The following ABHD16B variants were observed in gnomAD, a reference collection of about 807,000 sequenced individuals.
The protein encoded by ABHD16B is abhydrolase domain containing 16B.
A neutral mutation model predicts 10.5 loss-of-function variants in ABHD16B; 14 were observed. The ratio of observed to expected loss-of-function variants is 1.33; its 90% CI spans 0.88 to 2.08. ABHD16B has a LOEUF of 2.08. Among genes scored for constraint, ABHD16B ranks in the 30% most tolerant of loss-of-function variants. The probability of loss-of-function intolerance (pLI) is 0.00; values close to 1 mark genes in which losing one functional copy is unlikely to be tolerated. For missense variants in ABHD16B, 763 were observed against 717.4 expected (o/e 1.06, Z -0.73); for synonymous variants, 374 against 337.9 (o/e 1.11, Z -1.17).
chr20:63,861,630 C>G lies in ABHD16B; in HGVS notation c.90C>G (p.Pro30=), dbSNP rs758456348. ...ACACCTACCCATTCCGCGGCTGGCC[C>G]GTGGCCTTCCGCTGGGATGACGTGC... ...ASYTYPFRGW[P]VAFRWDDVRA... is the part of the protein sequence containing the mutation. The change falls in exon 1 of 1, where the codon CCC becomes CCG. Residue 30 remains proline (P), a synonymous_variant. Coordinates refer to ENST00000369916, the MANE Select transcript of ABHD16B (RefSeq NM_080622.4). This position sits in a 1 kb window ranked among gnomAD's most constrained non-coding sequence, Gnocchi z 5.4. The G allele has an allele frequency of 1.9e-6, 3 of 1,548,508 alleles. No homozygotes were observed. The highest frequency in any genetic ancestry group is 4.9e-5 in the East Asian group (2 of 41,226).
rs764484273 is a variant in ABHD16B at position 63,862,046 on chromosome 20, A to G, written c.506A>G (p.His169Arg). 6.2e-7 allele frequency: 1 copy of G among 1,609,300 alleles called. No individual in the cohort carries two copies. The highest frequency in any genetic ancestry group is 1.7e-5 in the Admixed American group (1 of 59,760). Reference protein sequence around the residue: ...DRRQHPGSHVHGPRLVICCEG... With the variant: ...DRRQHPGSHVRGPRLVICCEG... ...CGCCAGCACCCGGGCAGCCACGTGC[A>G]CGGGCCGCGCCTCGTCATCTGCTGC... Residue 169 changes from histidine (H) to arginine (R), a missense_variant, in exon 1 of 1, where the codon CAC becomes CGC. Coordinates refer to ENST00000369916, the MANE Select transcript of ABHD16B (RefSeq NM_080622.4). The surrounding 1 kb of genome is among the most constrained non-coding windows in gnomAD (Gnocchi z 7.5).
Position 63,862,962 on chromosome 20 carries a change from C to T in ABHD16B, c.*12C>T. 1.4e-6 allele frequency: 2 copies of T among 1,401,244 alleles called. No individual in the cohort carries two copies. The highest frequency in any genetic ancestry group is 2.9e-5 in the East Asian group (1 of 34,384). 86.8% of individuals were successfully genotyped at this position (1,401,244 alleles called of 1,614,324 possible). Reference sequence around the variant, plus strand: ...CCTGGCGGCTGTAACCTATATGCCCCAGTGGGGGATCACGCACTTGAACTC... The same window carrying T: ...CCTGGCGGCTGTAACCTATATGCCCTAGTGGGGGATCACGCACTTGAACTC... On this transcript the variant is annotated 3_prime_UTR_variant, in exon 1 of 1. Coordinates refer to ENST00000369916, the MANE Select transcript of ABHD16B (RefSeq NM_080622.4). This position sits in a 1 kb window ranked among gnomAD's most constrained non-coding sequence, Gnocchi z 7.5.
In ABHD16B at chr20:63,862,104, T is replaced by C. The variant is rs777109016; in HGVS notation, c.564T>C (p.Cys188=). The C allele has an allele frequency of 1.2e-6, 2 of 1,611,492 alleles. No homozygotes were observed. Among genetic ancestry groups the C allele is most frequent in the Admixed American group, 3.3e-5 (2 of 59,910 alleles). The change falls in exon 1 of 1, where the codon TGT becomes TGC. Residue 188 remains cysteine (C), a synonymous_variant. Coordinates refer to ENST00000369916, the MANE Select transcript of ABHD16B (RefSeq NM_080622.4). The surrounding 1 kb of genome is among the most constrained non-coding windows in gnomAD (Gnocchi z 7.5). ...EGNAGFYEMG[C]LSAPLEAGYS... is the part of the protein sequence containing the mutation. ...ACGCGGGCTTCTACGAGATGGGCTGTCTGTCTGCACCGCTCGAGGCCGGCT... is the reference window on the plus strand; with the variant it reads ...ACGCGGGCTTCTACGAGATGGGCTGCCTGTCTGCACCGCTCGAGGCCGGCT...
At position 63,861,898 on chromosome 20, in the gene ABHD16B, A is replaced by C. The variant is rs751651568; in HGVS notation, c.358A>C (p.Thr120Pro). 18 of 1,582,594 alleles carry C rather than the reference A, an allele frequency of 1.1e-5. 1 individual carries two copies. Among genetic ancestry groups the C allele is most frequent in the African/African-American group, 1.3e-5 (1 of 74,120 alleles). ...LVYPGSVSLMTRALLPLLQQG... is the reference protein window; with the variant it reads ...LVYPGSVSLMPRALLPLLQQG... ...GTACCCCGGCTCCGTGTCCCTGATG[A>C]CGCGCGCGCTGCTGCCGCTGCTGCA... Residue 120 changes from threonine to proline, a missense_variant, in exon 1 of 1, where the codon ACG becomes CCG. Transcript: ENST00000369916. This position sits in a 1 kb window ranked among gnomAD's most constrained non-coding sequence, Gnocchi z 5.4.
Position 63,862,751 on chromosome 20 carries a change from G to T in ABHD16B, c.1211G>T (p.Arg404Leu). Residue 404 changes from arginine (R) to leucine (L), a missense_variant, in exon 1 of 1, where the codon CGC (arginine) becomes CTC (leucine). Physicochemically the swap from Arg to Leu is moderately radical, Grantham distance 102. Coordinates refer to ENST00000369916, the MANE Select transcript of ABHD16B (RefSeq NM_080622.4). This position sits in a 1 kb window ranked among gnomAD's most constrained non-coding sequence, Gnocchi z 7.5. The part of the protein sequence containing the change: ...CLALLRSYRA[R>L]CEEELEGEEA... ...GCGCTGCTGCGCTCCTACCGTGCACGCTGCGAAGAGGAGCTGGAGGGCGAG... is the reference window on the plus strand; with the variant it reads ...GCGCTGCTGCGCTCCTACCGTGCACTCTGCGAAGAGGAGCTGGAGGGCGAG... The T allele has an allele frequency of 2.6e-6, 4 of 1,528,616 alleles. No homozygotes were observed. Among genetic ancestry groups the T allele is most frequent in the Non-Finnish European group, 3.5e-6 (4 of 1,140,890 alleles). 94.7% of individuals were successfully genotyped at this position (1,528,616 alleles called of 1,614,324 possible). A position where few individuals can be genotyped will look rare whatever the true frequency, so the allele number is the denominator to read the frequency against.
rs754047152 is a variant in ABHD16B at position 63,861,608 on chromosome 20, C to G, written c.68C>G (p.Thr23Ser). ...AAGATCTACCTGACCGCCAGCTACA[C>G]CTACCCATTCCGCGGCTGGCCCGTG... is the stretch of plus-strand genomic sequence containing the variant. The part of the protein sequence containing the change: ...VFKIYLTASY[T>S]YPFRGWPVAF... Residue 23 changes from threonine to serine, a missense_variant, in exon 1 of 1, where the codon ACC (threonine) becomes AGC (serine). Coordinates refer to ENST00000369916, the MANE Select transcript of ABHD16B (RefSeq NM_080622.4). This position sits in a 1 kb window ranked among gnomAD's most constrained non-coding sequence, Gnocchi z 5.4. The G allele has an allele frequency of 5.1e-6, 8 of 1,556,444 alleles. No homozygotes were observed. In the East Asian group the frequency reaches 1.9e-4, roughly 37 times the overall value.
Position 63,861,669 on chromosome 20 carries a change from G to C in ABHD16B, c.129G>C (p.Arg43=), listed in dbSNP as rs770468146. ...GGGATGACGTGCGCGCCGTGGGCCG[G>C]AGCAGCAGCCACCGGGCGCTGACCT... The part of the protein sequence containing the change: ...FRWDDVRAVG[R]SSSHRALTCA... Residue 43 remains arginine, a synonymous_variant, in exon 1 of 1, where the codon CGG becomes CGC. Transcript: ENST00000369916. The surrounding 1 kb of genome is among the most constrained non-coding windows in gnomAD (Gnocchi z 5.4). 4.1e-5 allele frequency: 63 copies of C among 1,535,964 alleles called. No homozygotes were observed. The African/African-American group carries it at 8.1e-4, about 20-fold the overall frequency.
rs778556671 is a variant in ABHD16B at position 63,861,915 on chromosome 20, G to C, written c.375G>C (p.Pro125=). 5.7e-6 allele frequency: 9 copies of C among 1,590,036 alleles called. No individual in the cohort carries two copies. In the South Asian group the frequency reaches 6.6e-5, roughly 12 times the overall value. The part of the protein sequence containing the change: ...SVSLMTRALL[P]LLQQGQERLV... ...CCCTGATGACGCGCGCGCTGCTGCC[G>C]CTGCTGCAGCAGGGCCAAGAGCGCC... The change falls in exon 1 of 1, where the codon CCG becomes CCC. Residue 125 remains proline, a synonymous_variant. Coordinates refer to ENST00000369916, the MANE Select transcript of ABHD16B (RefSeq NM_080622.4). The surrounding 1 kb of genome is among the most constrained non-coding windows in gnomAD (Gnocchi z 5.4).
Position 63,861,779 on chromosome 20 carries a change from G to C in ABHD16B, c.239G>C (p.Arg80Pro). 1.4e-6 allele frequency: 2 copies of C among 1,430,594 alleles called. No homozygotes were observed. Among genetic ancestry groups the C allele is most frequent in the South Asian group, 1.4e-5 (1 of 70,710 alleles). 88.6% of individuals were successfully genotyped at this position (1,430,594 alleles called of 1,614,324 possible). ...CTGGGGCGGCCTCCACGTGGGGCGC[G>C]CAGCCAGGCGCAGTGCCTCTTGCAG... ...DALGRPPRGARSQAQCLLQQL... is the reference protein window; with the variant it reads ...DALGRPPRGAPSQAQCLLQQL... The change falls in exon 1 of 1, where the codon CGC (arginine) becomes CCC (proline). Residue 80 changes from arginine (R) to proline (P), a missense_variant. By Grantham distance (103) the Arg-to-Pro change is moderately radical. Transcript: ENST00000369916. The surrounding 1 kb of genome is among the most constrained non-coding windows in gnomAD (Gnocchi z 5.4).
At position 63,861,699 on chromosome 20, in the gene ABHD16B, G is replaced by A. The variant is rs1436885824; in HGVS notation, c.159G>A (p.Ala53=). Residue 53 remains alanine, a synonymous_variant, in exon 1 of 1, where the codon GCG becomes GCA. Transcript: ENST00000369916. This position sits in a 1 kb window ranked among gnomAD's most constrained non-coding sequence, Gnocchi z 5.4. ...GCAGCCACCGGGCGCTGACCTGCGC[G>A]GCAGCCGCGGCGGGCGTGTGGTTGC... The part of the protein sequence containing the change: ...RSSSHRALTC[A]AAAAGVWLLR... 13 of 1,478,504 alleles carry A rather than the reference G, an allele frequency of 8.8e-6. No individual in the cohort carries two copies. The highest frequency in any genetic ancestry group is 1.3e-5 in the South Asian group (1 of 77,148). The allele number at this position is 1,478,504 out of a possible 1,614,324, so 91.6% of individuals were successfully genotyped here. A position where few individuals can be genotyped will look rare whatever the true frequency, so the allele number is the denominator to read the frequency against.
At position 63,861,929 on chromosome 20, in the gene ABHD16B, G is replaced by A. The variant is rs374392844; in HGVS notation, c.389G>A (p.Gly130Asp). ...TRALLPLLQQ[G>D]QERLVERYHG... ...GCGCTGCTGCCGCTGCTGCAGCAGG[G>A]CCAAGAGCGCCTCGTGGAGCGCTAC... is the stretch of plus-strand genomic sequence containing the variant. The change falls in exon 1 of 1, where the codon GGC becomes GAC. Residue 130 changes from glycine (G) to aspartate (D), a missense_variant. Transcript: ENST00000369916. The surrounding 1 kb of genome is among the most constrained non-coding windows in gnomAD (Gnocchi z 5.4). 6.9e-6 allele frequency: 11 copies of A among 1,594,076 alleles called. No homozygotes were observed. The highest frequency in any genetic ancestry group is 4.0e-5 in the African/African-American group (3 of 74,528).
rs764259079 is a variant in ABHD16B, at chr20:63,862,362, C to G, written c.822C>G (p.Asp274Glu). 5 of 1,611,178 alleles carry G rather than the reference C, an allele frequency of 3.1e-6. No individual in the cohort carries two copies. The East Asian group carries it at 1.1e-4, about 36-fold the overall frequency. Residue 274 changes from aspartate to glutamate, a missense_variant, in exon 1 of 1, where the codon GAC becomes GAG. Transcript: ENST00000369916. The surrounding 1 kb of genome is among the most constrained non-coding windows in gnomAD (Gnocchi z 7.5). Reference protein sequence around the residue: ...GALVLDATFDDLVPLALKVMP... With the variant: ...GALVLDATFDELVPLALKVMP... ...TGGTGCTGGACGCCACCTTCGACGACCTTGTGCCGCTGGCGCTGAAGGTCA... is the reference window on the plus strand; with the variant it reads ...TGGTGCTGGACGCCACCTTCGACGAGCTTGTGCCGCTGGCGCTGAAGGTCA...
rs779313764 is a variant in ABHD16B at position 63,862,313 on chromosome 20, T to G, written c.773T>G (p.Met258Arg). The change falls in exon 1 of 1, where the codon ATG (methionine) becomes AGG (arginine). Residue 258 changes from methionine to arginine, a missense_variant. Coordinates refer to ENST00000369916, the MANE Select transcript of ABHD16B (RefSeq NM_080622.4). This position sits in a 1 kb window ranked among gnomAD's most constrained non-coding sequence, Gnocchi z 7.5. ...GGCTTCACGGCCACCTGGGCCACCA[T>G]GACCTACCCGGAGCTGGGTGCACTG... ...VGGFTATWAT[M>R]TYPELGALVL... 1 of 1,612,284 alleles carries G rather than the reference T, an allele frequency of 6.2e-7. No individual in the cohort carries two copies. Among genetic ancestry groups the G allele is most frequent in the South Asian group, 1.1e-5 (1 of 91,012 alleles).
chr20:63,862,788 G>A lies in ABHD16B; in HGVS notation c.1248G>A (p.Gly416=). 6.5e-7 allele frequency: 1 copy of A among 1,533,828 alleles called. No individual in the cohort carries two copies. The highest frequency in any genetic ancestry group is 8.7e-7 in the Non-Finnish European group (1 of 1,144,438). The stretch of plus-strand genomic sequence containing the variant: ...AGCTGGAGGGCGAGGAGGCCCTGGG[G>A]CCACACGGACCCGCCTTCCCATGGC... ...EEELEGEEAL[G]PHGPAFPWLV... Residue 416 remains glycine, a synonymous_variant, in exon 1 of 1, where the codon GGG becomes GGA. Transcript: ENST00000369916. This position sits in a 1 kb window ranked among gnomAD's most constrained non-coding sequence, Gnocchi z 7.5.
Position 63,862,080 on chromosome 20 carries a change from C to G in ABHD16B, c.540C>G (p.Asn180Lys). Residue 180 changes from asparagine to lysine, a missense_variant, in exon 1 of 1, where the codon AAC (asparagine) becomes AAG (lysine). Physicochemically the swap from Asn to Lys is moderately conservative, Grantham distance 94 (BLOSUM62 0). Coordinates refer to ENST00000369916, the MANE Select transcript of ABHD16B (RefSeq NM_080622.4). The surrounding 1 kb of genome is among the most constrained non-coding windows in gnomAD (Gnocchi z 7.5). ...GPRLVICCEG[N>K]AGFYEMGCLS... is the part of the protein sequence containing the mutation. ...GCCTCGTCATCTGCTGCGAAGGCAA[C>G]GCGGGCTTCTACGAGATGGGCTGTC... The G allele has an allele frequency of 6.2e-7, 1 of 1,611,686 alleles. No homozygotes were observed. Among genetic ancestry groups the G allele is most frequent in the Non-Finnish European group, 8.5e-7 (1 of 1,179,722 alleles).
Position 63,862,816 on chromosome 20 carries a change from G to C in ABHD16B, c.1276G>C (p.Val426Leu). The C allele has an allele frequency of 6.5e-7, 1 of 1,535,086 alleles. No individual in the cohort carries two copies. The highest frequency in any genetic ancestry group is 8.7e-7 in the Non-Finnish European group (1 of 1,145,320). Residue 426 changes from valine to leucine, a missense_variant, in exon 1 of 1, where the codon GTG (valine) becomes CTG (leucine). Val to Leu is a conservative substitution (Grantham distance 32). Coordinates refer to ENST00000369916, the MANE Select transcript of ABHD16B (RefSeq NM_080622.4). The surrounding 1 kb of genome is among the most constrained non-coding windows in gnomAD (Gnocchi z 7.5). ...ACACGGACCCGCCTTCCCATGGCTG[G>C]TGGGCCAGGGCCTGAGCTCGCGGCG... Reference protein sequence around the residue: ...GPHGPAFPWLVGQGLSSRRRR... With the variant: ...GPHGPAFPWLLGQGLSSRRRR...
rs1318759533 is a variant in ABHD16B at position 63,862,642 on chromosome 20, G to A, written c.1102G>A (p.Val368Ile). The A allele has an allele frequency of 8.4e-6, 13 of 1,538,832 alleles. No individual in the cohort carries two copies. Among genetic ancestry groups the A allele is most frequent in the South Asian group, 3.6e-5 (3 of 84,240 alleles). ...VVMAREGRAVVTRWLRAGSLA... is the reference protein window; with the variant it reads ...VVMAREGRAVITRWLRAGSLA... ...GATGGCGCGAGAGGGCCGCGCCGTC[G>A]TCACCCGCTGGCTGCGCGCTGGCAG... The change falls in exon 1 of 1, where the codon GTC becomes ATC. Residue 368 changes from valine to isoleucine, a missense_variant. Transcript: ENST00000369916. This position sits in a 1 kb window ranked among gnomAD's most constrained non-coding sequence, Gnocchi z 7.5.
chr20:63,862,032 G>A lies in ABHD16B; in HGVS notation c.492G>A (p.Pro164=), dbSNP rs1442232682. ...DTMFMDRRQH[P]GSHVHGPRLV... Reference sequence around the variant, plus strand: ...TGTTCATGGACCGCCGCCAGCACCCGGGCAGCCACGTGCACGGGCCGCGCC... The same window carrying A: ...TGTTCATGGACCGCCGCCAGCACCCAGGCAGCCACGTGCACGGGCCGCGCC... The change falls in exon 1 of 1, where the codon CCG becomes CCA. Residue 164 remains proline (P), a synonymous_variant. Coordinates refer to ENST00000369916, the MANE Select transcript of ABHD16B (RefSeq NM_080622.4). This position sits in a 1 kb window ranked among gnomAD's most constrained non-coding sequence, Gnocchi z 7.5. 5 of 1,608,478 alleles carry A rather than the reference G, an allele frequency of 3.1e-6. No homozygotes were observed. The highest frequency in any genetic ancestry group is 2.7e-5 in the African/African-American group (2 of 74,732).
rs1432562228 is a variant in ABHD16B at position 63,862,149 on chromosome 20, C to G, written c.609C>G (p.Asn203Lys). Residue 203 changes from asparagine to lysine, a missense_variant, in exon 1 of 1, where the codon AAC becomes AAG. Physicochemically the swap from Asn to Lys is moderately conservative, Grantham distance 94 (BLOSUM62 0). Transcript: ENST00000369916. This position sits in a 1 kb window ranked among gnomAD's most constrained non-coding sequence, Gnocchi z 7.5. ...LEAGYSVLGW[N>K]HPGFGSSTGV... Reference sequence around the variant, plus strand: ...CCGGCTACTCCGTGCTGGGCTGGAACCACCCCGGCTTCGGCAGCAGCACTG... The same window carrying G: ...CCGGCTACTCCGTGCTGGGCTGGAAGCACCCCGGCTTCGGCAGCAGCACTG... 1.2e-6 allele frequency: 2 copies of G among 1,611,502 alleles called. No homozygotes were observed. Among genetic ancestry groups the G allele is most frequent in the South Asian group, 1.1e-5 (1 of 90,988 alleles).
Sources: gnomAD v4.1 joint callset for allele counts on GRCh38, gnomAD v4.1.1 for gene constraint, Gnocchi (gnomAD v3.1) non-coding constraint, MANE v1.5 for transcripts, NCBI Gene and HGNC (gene_info 2026-07-23, HGNC 2026-07-21) for gene names.